The following DNAH11 variants were observed in gnomAD, a reference collection of about 807,000 sequenced individuals.
DNAH11 encodes axonemal beta dynein heavy chain 11.
A neutral mutation model predicts 526.0 loss-of-function variants in DNAH11; 442 were observed. The observed-to-expected ratio is 0.84, with a 90% CI of 0.78 to 0.91. DNAH11 has a LOEUF of 0.91. Among genes scored for constraint, DNAH11 ranks in the 40% least tolerant of loss-of-function variants. The pLI is 0.00. For synonymous variants in DNAH11, 2,461 were observed against 1,935.9 expected, an observed-to-expected ratio of 1.27 and a Z score of -7.12; for missense variants, 6,989 against 5,448.7, an observed-to-expected ratio of 1.28 and a Z score of -8.90.
At chr7:21,854,533 T>G in intron 68 of DNAH11, 78 bp downstream of exon 68, 1 of 1,353,118 alleles carries the variant, frequency 7.4e-7, no homozygotes, top group South Asian at 1.4e-5. Flanking sequence ...TTTATTTTAT[T>G]ATTGATAATA....
At chr7:21,842,474 T>A (rs1782243292) in intron 65 of DNAH11, 70 bp from the exon 66 acceptor site, 38 of 1,300,790 alleles carry the variant, frequency 2.9e-5, no homozygotes, top group Non-Finnish European at 4.0e-5. Context: ...AATACAGGAA[T>A]GGAATGACAC....
rs751994566 is a variant in DNAH11, at chr7:21,884,331, T to C, written c.12428T>C (p.Met4143Thr). The C allele has an allele frequency of 2.2e-5, 36 of 1,613,090 alleles. No individual in the cohort carries two copies. In the East Asian group the frequency reaches 6.2e-4, roughly 28 times the overall value. ...CTCCGTTATCTCTTTGGTGAGATCA[T>C]GTATGGAGGCCACATCACAGATGAC... is the stretch of plus-strand genomic sequence containing the variant. The part of the protein sequence containing the change: ...EDLRYLFGEI[M>T]YGGHITDDWD... The change falls in exon 76 of 82, where the codon ATG (methionine) becomes ACG (threonine). Residue 4143 changes from methionine to threonine, a missense_variant. Physicochemically the swap from Met to Thr is moderately conservative, Grantham distance 81. Transcript: ENST00000409508.
intron 19 of DNAH11, 33 bp from the exon 20 acceptor site, chr7:21,606,614 A>AATT: frequency 3.6e-6 from 4 of 1,126,636 alleles, no homozygotes; most frequent in Non-Finnish European, 3.6e-6. Flanking sequence ...TTTGAAATTC[A>AATT]CTTTTTTTTT....
intron 79 of DNAH11, among the ~76,000 whole-genome samples, chr7:21,897,659 A>T (rs974051462): frequency 6.6e-6 from 1 of 152,150 alleles, no homozygotes; most frequent in East Asian, 1.9e-4. Context: ...TCTGTTGCCT[A>T]GGCTGGAGTG....
intron 25 of DNAH11, among the ~76,000 whole-genome samples, chr7:21,633,858 A>G (rs1258362743): frequency 1.3e-5 from 2 of 152,204 alleles, no homozygotes; most frequent in Non-Finnish European, 2.9e-5. Flanking sequence ...TTAGGCAATG[A>G]GGACAATATT....
chr7:21,735,354 G>A (rs907343507), intron 45 of DNAH11, among the ~76,000 whole-genome samples: 4 of 152,272 alleles, frequency 2.6e-5, no homozygotes, highest in African/African-American at 9.6e-5. Context: ...AGGAGCCTTG[G>A]GGGCTAGTAC....
chr7:21,896,197 C>T (rs929702960), intron 79 of DNAH11, among the ~76,000 whole-genome samples: 1 of 152,076 alleles, frequency 6.6e-6, no homozygotes, highest in Non-Finnish European at 1.5e-5. Flanking sequence ...GTACTGATTT[C>T]TTTGCTCATC....
intron 25 of DNAH11, among the ~76,000 whole-genome samples, chr7:21,621,798 A>C (rs1046449018): frequency 1.3e-5 from 2 of 152,218 alleles, no homozygotes; most frequent in Non-Finnish European, 2.9e-5. Flanking sequence ...TCAATAAATT[A>C]GGTATTGATG....
intron 55 of DNAH11, among the ~76,000 whole-genome samples, chr7:21,766,163 T>C (rs1787177534): frequency 6.6e-6 from 1 of 152,186 alleles, no homozygotes. Flanking sequence ...TGATGACAAA[T>C]TTAAAATTTA....
intron 36 of DNAH11, among the ~76,000 whole-genome samples, chr7:21,700,820 G>T (rs117865819): frequency 3.3e-5 from 5 of 152,082 alleles, no homozygotes; most frequent in African/African-American, 1.2e-4. Context: ...AGACATGGAC[G>T]AGGATGGAAA....
At chr7:21,602,202 T>C (rs1785118063) in intron 18 of DNAH11, among the ~76,000 whole-genome samples, 1 of 152,070 alleles carries the variant, frequency 6.6e-6, no homozygotes, top group Non-Finnish European at 1.5e-5. Context: ...TAGCTGGGCA[T>C]GGTGGCACGC....
At chr7:21,841,532 T>G (rs1472130000) in intron 65 of DNAH11, among the ~76,000 whole-genome samples, 1 of 152,102 alleles carries the variant, frequency 6.6e-6, no homozygotes, top group Non-Finnish European at 1.5e-5. Context: ...TCCTCCTGTT[T>G]CCTCCCATAT....
intron 43 of DNAH11, 66 bp from the exon 44 acceptor site, chr7:21,720,659 A>C: frequency 6.8e-7 from 1 of 1,477,320 alleles, no homozygotes; most frequent in East Asian, 2.5e-5. Flanking sequence ...GGAGTTGTAA[A>C]AATATTCTTT....
At chr7:21,557,331 T>C (rs1445799801) in intron 2 of DNAH11, among the ~76,000 whole-genome samples, 1 of 152,150 alleles carries the variant, frequency 6.6e-6, no homozygotes, top group African/African-American at 2.4e-5. Flanking sequence ...CTTACTCTGT[T>C]CAGGTTGCTA....
intron 76 of DNAH11, among the ~76,000 whole-genome samples, chr7:21,891,176 G>A (rs916078656): frequency 6.6e-6 from 1 of 152,150 alleles, no homozygotes; most frequent in Non-Finnish European, 1.5e-5. Context: ...AGTGTACTGG[G>A]TGGTGGGTAC....
In DNAH11 at chr7:21,698,156, A is replaced by G; in HGVS notation, c.6123A>G (p.Ala2041=). 1.2e-6 allele frequency: 2 copies of G among 1,613,676 alleles called. No individual in the cohort carries two copies. Among genetic ancestry groups the G allele is most frequent in the Non-Finnish European group, 1.7e-6 (2 of 1,179,726 alleles). Residue 2041 remains alanine (A), a synonymous_variant, in exon 36 of 82, where the codon GCA becomes GCG. Transcript: ENST00000409508. ...CTGAAGGTTTTGTGGATGCGCGTGC[A>G]TTAGCCCGAAAGTTCATTACGTTGT... ...LVAEGFVDAR[A]LARKFITLYT...
At chr7:21,605,992 A>G (rs1785264653) in intron 18 of DNAH11, among the ~76,000 whole-genome samples, 2 of 152,184 alleles carry the variant, frequency 1.3e-5, no homozygotes, top group African/African-American at 4.8e-5. Context: ...AACTCATTAT[A>G]TAAGAATGAA....
chr7:21,748,450 C>T, intron 51 of DNAH11, 130 bp from the exon 52 acceptor site: 2 of 1,058,522 alleles, frequency 1.9e-6, no homozygotes, highest in South Asian at 4.2e-5. Flanking sequence ...GATCGCGCCA[C>T]TGCACTCCGG....
At chr7:21,583,206 C>T (rs545159174) in intron 9 of DNAH11, among the ~76,000 whole-genome samples, 1 of 152,122 alleles carries the variant, frequency 6.6e-6, no homozygotes, top group Non-Finnish European at 1.5e-5. Flanking sequence ...GCTACAGTAA[C>T]CAAAACAGTA....
Sources: gnomAD v4.1 joint callset for allele counts (sites outside exome capture counted in the v4.1 genomes callset) on GRCh38, gnomAD v4.1.1 for gene constraint, MANE v1.5 for transcripts, NCBI Gene and HGNC (gene_info 2026-07-23, HGNC 2026-07-21) for gene names.